MYO10: variants seen among roughly 807,000 people sequenced by gnomAD.
MYO10 encodes the protein myosin X.
In MYO10, 133 loss-of-function variants were observed where a neutral mutation model predicts 257.3. The ratio of observed to expected loss-of-function variants is 0.52; its 90% CI spans 0.45 to 0.60. MYO10 has a LOEUF of 0.60. Among genes scored for constraint, MYO10 ranks in the 20% least tolerant of loss-of-function variants. The pLI is 0.00. For synonymous variants in MYO10, 1,104 were observed against 1,028.6 expected (o/e 1.07, Z -1.40); for missense variants, 2,399 against 2,635.7 (o/e 0.91, Z 1.97).
At position 16,715,380 on chromosome 5, in the gene MYO10, C is replaced by T. The variant is rs11957665; in HGVS notation, c.1930-4135G>A. ...CAGACTACAGATATGGCGATGGTGCCGTAAGATTGAAATTTTTTTTTTTTT... is the reference window on the plus strand; with the variant it reads ...CAGACTACAGATATGGCGATGGTGCTGTAAGATTGAAATTTTTTTTTTTTT... On this transcript the variant is annotated intron_variant, in intron 19 of 40. Coordinates refer to ENST00000513610, the MANE Select transcript of MYO10 (RefSeq NM_012334.3). 5.3e-3 allele frequency among the ~76,000 whole-genome samples: 743 copies of T among 140,556 alleles called. 9 individuals are homozygous for T. Among genetic ancestry groups the T allele is most frequent in the African/African-American group, 0.019 (713 of 38,292 alleles). 92.2% of individuals were successfully genotyped at this position (140,556 alleles called of 152,430 possible). A position where few individuals can be genotyped will look rare whatever the true frequency, so the allele number is the denominator to read the frequency against.
chr5:16,781,350 G>A (rs1023909520), intron 6 of MYO10, among the ~76,000 whole-genome samples: 1 of 152,264 alleles, frequency 6.6e-6, no homozygotes, highest in Admixed American at 6.5e-5. Flanking sequence ...ACAGTGCTGG[G>A]ATTACAGGCA....
intron 27 of MYO10, among the ~76,000 whole-genome samples, chr5:16,692,624 T>C (rs1200428116): frequency 5.3e-5 from 8 of 152,206 alleles, no homozygotes; most frequent in Middle Eastern, 3.4e-3. Context: ...GGTGGTTTGC[T>C]GGGGGAGCGG....
chr5:16,852,913 G>T (rs1232142969), intron 2 of MYO10, among the ~76,000 whole-genome samples: 1 of 152,096 alleles, frequency 6.6e-6, no homozygotes, highest in Admixed American at 6.6e-5. Context: ...TGCCAAGAAG[G>T]CACAGAGAAA....
At chr5:16,918,210 T>C (rs1330666822) in intron 1 of MYO10, among the ~76,000 whole-genome samples, 2 of 152,150 alleles carry the variant, frequency 1.3e-5, no homozygotes, top group Admixed American at 1.3e-4. Context: ...AAGGAAGATG[T>C]GAAGAGTCCA....
chr5:16,714,308 C>A (rs1738753549), intron 19 of MYO10, among the ~76,000 whole-genome samples: 1 of 150,754 alleles, frequency 6.6e-6, no homozygotes, highest in Non-Finnish European at 1.5e-5. Flanking sequence ...AAAAAAAAAA[C>A]AGGAAGAAAA....
At chr5:16,738,284 G>A in intron 19 of MYO10, 2 of 985,454 alleles carry the variant, frequency 2.0e-6, no homozygotes, top group Non-Finnish European at 2.4e-6. Context: ...AAGGAGGGGT[G>A]GTTAGCAGTG....
rs746751894 is a variant in MYO10, at chr5:16,762,115, T to TAAAAAAAAA, written c.1588-11_1588-3dup. 7.8e-5 allele frequency: 44 copies of TAAAAAAAAA among 567,594 alleles called. No individual in the cohort carries two copies. The highest frequency in any genetic ancestry group is 5.6e-4 in the Middle Eastern group (1 of 1,782). 35.2% of individuals were successfully genotyped at this position (567,594 alleles called of 1,614,324 possible). A position where few individuals can be genotyped will look rare whatever the true frequency, so the allele number is the denominator to read the frequency against. ...GGGCTTCACATAAAAGTGGTTATTC[T>TAAAAAAAAA]AAAAAAAAAAAAAAAAAAAAAAAAA... On this transcript the variant is annotated splice_polypyrimidine_tract_variant and splice_region_variant and intron_variant, in intron 15 of 40. Transcript: ENST00000513610.
intron 21 of MYO10, among the ~76,000 whole-genome samples, chr5:16,704,891 A>G (rs1405258162): frequency 1.3e-5 from 2 of 152,226 alleles, no homozygotes; most frequent in African/African-American, 2.4e-5. Flanking sequence ...GATATATTAC[A>G]AGGAAAAACA....
chr5:16,724,199 A>G (rs964159169), intron 19 of MYO10, among the ~76,000 whole-genome samples: 2 of 152,232 alleles, frequency 1.3e-5, no homozygotes, highest in African/African-American at 4.8e-5. Context: ...TATAGAGTCT[A>G]TAAGACTAAA....
At chr5:16,671,679 G>T (rs1736471414) in intron 37 of MYO10, 137 bp from the exon 38 acceptor site, 1 of 1,099,978 alleles carries the variant, frequency 9.1e-7, no homozygotes, top group Non-Finnish European at 1.3e-6. Flanking sequence ...GATAGAGATG[G>T]GGATAGAGGA....
chr5:16,852,925 T>C (rs1040275761), intron 2 of MYO10, among the ~76,000 whole-genome samples: 3 of 151,966 alleles, frequency 2.0e-5, no homozygotes, highest in African/African-American at 7.3e-5. Flanking sequence ...ACAGAGAAAT[T>C]GAAGAATAAC....
At chr5:16,928,442 C>T (rs1203361839) in intron 1 of MYO10, among the ~76,000 whole-genome samples, 1 of 152,186 alleles carries the variant, frequency 6.6e-6, no homozygotes, top group African/African-American at 2.4e-5. Context: ...ATCCACCTGC[C>T]TCGGCCTCCC....
chr5:16,668,144 C>G lies in MYO10; in HGVS notation c.6075+133G>C, dbSNP rs1736262727. 5.3e-6 allele frequency: 5 copies of G among 939,298 alleles called. No homozygotes were observed. The South Asian group carries it at 7.8e-5, about 15-fold the overall frequency. 58.2% of individuals were successfully genotyped at this position (939,298 alleles called of 1,614,324 possible). On this transcript the variant is annotated intron_variant, in intron 40 of 40. Transcript: ENST00000513610. ...GAACCGGCAGCTGGAAAGGGACCACCACACTGTATTTTCGTGTTTTGAAGA... is the reference window on the plus strand; with the variant it reads ...GAACCGGCAGCTGGAAAGGGACCACGACACTGTATTTTCGTGTTTTGAAGA...
In MYO10 at chr5:16,827,979, G is replaced by A. The variant is rs763046236; in HGVS notation, c.121-9812C>T. 1.6e-4 allele frequency among the ~76,000 whole-genome samples: 24 copies of A among 152,196 alleles called. 1 individual carries two copies. Among genetic ancestry groups the A allele is most frequent in the South Asian group, 4.1e-4 (2 of 4,830 alleles). On this transcript the variant is annotated intron_variant, in intron 2 of 40. Transcript: ENST00000513610. ...TTCTTGGTATCATGGGGAAGCATGC[G>A]TGGTAGAGTCAGACCTTAGAGGGCC...
chr5:16,864,177 G>A (rs1211265470), intron 2 of MYO10, among the ~76,000 whole-genome samples: 1 of 147,738 alleles, frequency 6.8e-6, no homozygotes, highest in Non-Finnish European at 1.5e-5. Flanking sequence ...GTCACTTGTG[G>A]TCCTTTTAAG....
chr5:16,706,290 T>C (rs968410779), intron 21 of MYO10, among the ~76,000 whole-genome samples: 4 of 151,968 alleles, frequency 2.6e-5, no homozygotes, highest in African/African-American at 9.7e-5. Flanking sequence ...CACATATACA[T>C]ATACATGAGA....
intron 19 of MYO10, among the ~76,000 whole-genome samples, chr5:16,730,278 G>C (rs1228802290): frequency 6.6e-6 from 1 of 152,252 alleles, no homozygotes; most frequent in South Asian, 2.1e-4. Flanking sequence ...CATATTAACC[G>C]TGTAGGTCAT....
At chr5:16,877,192 A>C (rs529898929) in intron 2 of MYO10, among the ~76,000 whole-genome samples, 2 of 152,374 alleles carry the variant, frequency 1.3e-5, no homozygotes, top group Non-Finnish European at 2.9e-5. Context: ...ATGGCAGCCC[A>C]AACTGACTAA....
rs1330337823 is a variant in MYO10, at chr5:16,701,214, C to T, written c.3181G>A (p.Gly1061Arg). The change falls in exon 25 of 41, where the codon GGG becomes AGG. Residue 1061 changes from glycine to arginine, a missense_variant. Gly to Arg is a moderately radical substitution (Grantham distance 125). Transcript: ENST00000513610. This position sits in a 1 kb window ranked among gnomAD's most constrained non-coding sequence, Gnocchi z 8.1. ...CCGCTGGAGGAGTTGTGTAGGCTCCCGGAGTCCTGCACTGATGGGGCGAGC... is the reference window on the plus strand; with the variant it reads ...CCGCTGGAGGAGTTGTGTAGGCTCCTGGAGTCCTGCACTGATGGGGCGAGC... ...VLLAPSVQDS[G>R]SLHNSSSGES... is the part of the protein sequence containing the mutation. 30 of 1,611,470 alleles carry T rather than the reference C, an allele frequency of 1.9e-5. No individual in the cohort carries two copies. The highest frequency in any genetic ancestry group is 2.2e-5 in the East Asian group (1 of 44,758).
Sources: allele counts gnomAD v4.1 joint callset (sites outside exome capture counted in the v4.1 genomes callset), GRCh38; gene constraint gnomAD v4.1.1; non-coding constraint Gnocchi (gnomAD v3.1); transcripts MANE v1.5; gene names NCBI Gene and HGNC (gene_info 2026-07-23, HGNC 2026-07-21).